RALGAPA2: variants seen among roughly 807,000 people sequenced by gnomAD.
RALGAPA2 encodes the protein ral GTPase-activating protein subunit alpha-2.
Under a neutral mutation model 230.4 loss-of-function variants are expected in RALGAPA2, and 139 were observed. The ratio of observed to expected loss-of-function variants is 0.60; its 90% confidence interval spans 0.53 to 0.69. The LOEUF (loss-of-function observed/expected upper bound fraction) is 0.69, where lower values mean the gene tolerates loss of function less well. Ranked by LOEUF, RALGAPA2 falls within the 30% of genes least tolerant of loss-of-function variation. The pLI is 0.00. For synonymous variants in RALGAPA2, 847 were observed against 837.8 expected (o/e 1.01, Z -0.19); for missense variants, 2,163 against 2,276.0 (o/e 0.95, Z 1.01).
At chr20:20,459,900 A>G (rs1186052534) in intron 37 of RALGAPA2, among the ~76,000 whole-genome samples, 1 of 152,140 alleles carries the variant, frequency 6.6e-6, no homozygotes, top group Non-Finnish European at 1.5e-5. Context: ...CTTGTGTTGC[A>G]GTGACTCAAC....
At chr20:20,552,840 T>C (rs2063967881) in intron 23 of RALGAPA2, among the ~76,000 whole-genome samples, 1 of 152,110 alleles carries the variant, frequency 6.6e-6, no homozygotes, top group Non-Finnish European at 1.5e-5. Context: ...TGCTAGTGGG[T>C]CTCTGCTCCT....
intron 23 of RALGAPA2, among the ~76,000 whole-genome samples, chr20:20,569,834 G>A (rs2064566664): frequency 6.6e-6 from 1 of 152,098 alleles, no homozygotes; most frequent in Non-Finnish European, 1.5e-5. Flanking sequence ...TATAAAATGA[G>A]AAGGATCTAT....
chr20:20,612,100 A>C (rs2065993636), intron 13 of RALGAPA2, among the ~76,000 whole-genome samples: 1 of 152,248 alleles, frequency 6.6e-6, no homozygotes, highest in Non-Finnish European at 1.5e-5. Context: ...GACTTTGAAG[A>C]CTATAAAATA....
At chr20:20,496,299 C>T (rs1458736717) in intron 35 of RALGAPA2, among the ~76,000 whole-genome samples, 1 of 152,080 alleles carries the variant, frequency 6.6e-6, no homozygotes, top group African/African-American at 2.4e-5. Context: ...TGTAAGAACA[C>T]CCTTGATCAA....
intron 23 of RALGAPA2, among the ~76,000 whole-genome samples, chr20:20,551,846 C>T (rs1442786962): frequency 2.6e-5 from 4 of 152,120 alleles, no homozygotes; most frequent in Non-Finnish European, 5.9e-5. Flanking sequence ...ATTATGGCTC[C>T]AAACCTTCCA....
chr20:20,707,569 G>A (rs2069655668), intron 1 of RALGAPA2, among the ~76,000 whole-genome samples: 1 of 152,184 alleles, frequency 6.6e-6, no homozygotes, highest in African/African-American at 2.4e-5. Context: ...ACAACTGTAA[G>A]TCAATTTGTT....
chr20:20,471,414 A>ATTTTTTTTTTTT (rs34179853), intron 37 of RALGAPA2: 3 of 125,518 alleles, frequency 2.4e-5, no homozygotes, highest in East Asian at 2.3e-4. Flanking sequence ...GTAAAATAAG[A>ATTTTTTTTTTTT]TTTTTTTTTT....
Position 20,486,901 on chromosome 20 carries a change from G to A in RALGAPA2, c.5367+8216C>T, listed in dbSNP as rs529746061. Among the ~76,000 whole-genome samples the A allele has an allele frequency of 1.1e-4, 16 of 152,182 alleles. No individual in the cohort carries two copies. In the South Asian group the frequency reaches 3.1e-3, roughly 30 times the overall value. ...CTTTGTTTCTGTCATAGGGTTTTTG[G>A]TTTCTAGCATTTCATTTTAATTATT... On this transcript the variant is annotated intron_variant, in intron 36 of 39. Transcript: ENST00000202677.
chr20:20,502,543 C>G (rs1412893758), intron 35 of RALGAPA2, among the ~76,000 whole-genome samples: 1 of 152,214 alleles, frequency 6.6e-6, no homozygotes, highest in Non-Finnish European at 1.5e-5. Flanking sequence ...GATGAAATAA[C>G]TGAATATACC....
intron 37 of RALGAPA2, among the ~76,000 whole-genome samples, chr20:20,425,422 G>T (rs142495718): frequency 5.3e-5 from 8 of 152,054 alleles, no homozygotes; most frequent in African/African-American, 1.7e-4. Context: ...TCTTCTGTGC[G>T]TTTTAAAATA....
chr20:20,632,172 C>G (rs1020648515), intron 9 of RALGAPA2, among the ~76,000 whole-genome samples: 4 of 151,960 alleles, frequency 2.6e-5, no homozygotes, highest in Non-Finnish European at 2.9e-5. Context: ...CTACAGGCGC[C>G]CGCCACCATG....
chr20:20,418,066 C>G (rs1438427178), intron 37 of RALGAPA2, among the ~76,000 whole-genome samples: 1 of 152,078 alleles, frequency 6.6e-6, no homozygotes, highest in Non-Finnish European at 1.5e-5. Context: ...TCCTGTTTAC[C>G]ACAATACTGT....
chr20:20,503,822 G>A (rs2062450753), intron 34 of RALGAPA2, among the ~76,000 whole-genome samples: 1 of 152,080 alleles, frequency 6.6e-6, no homozygotes, highest in South Asian at 2.1e-4. Context: ...TGTATACATA[G>A]GTTCCCTATT....
At chr20:20,619,055 C>A (rs1025787732) in intron 12 of RALGAPA2, among the ~76,000 whole-genome samples, 1 of 152,122 alleles carries the variant, frequency 6.6e-6, no homozygotes, top group African/African-American at 2.4e-5. Flanking sequence ...GTTTTTATGT[C>A]TTCTTTGACT....
chr20:20,616,020 T>C (rs555215683), intron 13 of RALGAPA2, 23 bp downstream of exon 13: 5 of 1,415,682 alleles, frequency 3.5e-6, no homozygotes, highest in East Asian at 5.2e-5. Flanking sequence ...TTTACAATAC[T>C]AATTAATTTG....
chr20:20,403,499 C>T (rs569464493), intron 38 of RALGAPA2, among the ~76,000 whole-genome samples: 1 of 152,128 alleles, frequency 6.6e-6, no homozygotes, highest in East Asian at 1.9e-4. Context: ...GTCAGCCTAG[C>T]GGGCTACAGA....
chr20:20,395,708 G>A (rs555952274), intron 39 of RALGAPA2, among the ~76,000 whole-genome samples: 1 of 152,312 alleles, frequency 6.6e-6, no homozygotes, highest in Non-Finnish European at 1.5e-5. Context: ...CAGCTGGCTG[G>A]AGGGTCGGCT....
At chr20:20,530,654 C>G (rs773042601) in intron 27 of RALGAPA2, among the ~76,000 whole-genome samples, 1 of 152,180 alleles carries the variant, frequency 6.6e-6, no homozygotes, top group African/African-American at 2.4e-5. Context: ...AGTGCCGTTG[C>G]TATTATAGCT....
In RALGAPA2 at chr20:20,506,212, A is replaced by G. The variant is rs1400216065; in HGVS notation, c.4929-678T>C. Among the ~76,000 whole-genome samples, 3 of 151,972 alleles carry G rather than the reference A, an allele frequency of 2.0e-5. No homozygotes were observed. In the East Asian group the frequency reaches 5.8e-4, roughly 30 times the overall value. On this transcript the variant is annotated intron_variant, in intron 33 of 39. Transcript: ENST00000202677. ...ATAAACCCTTCATCTGCTTGTTCCA[A>G]CATAGATCTTGGATACTCTGGTATC... is the stretch of plus-strand genomic sequence containing the variant.
Sources: gnomAD v4.1 joint callset for allele counts (sites outside exome capture counted in the v4.1 genomes callset) on GRCh38, gnomAD v4.1.1 for gene constraint, MANE v1.5 for transcripts, NCBI Gene and HGNC (gene_info 2026-07-23, HGNC 2026-07-21) for gene names.